Variants in STXBP6 observed in about 807,000 individuals in gnomAD.
The protein encoded by STXBP6 is syntaxin binding protein 6.
A neutral mutation model predicts 26.9 loss-of-function variants in STXBP6; 21 were observed. The ratio of observed to expected loss-of-function variants is 0.78; its 90% CI spans 0.55 to 1.12. The LOEUF (loss-of-function observed/expected upper bound fraction) is 1.12, where lower values mean the gene tolerates loss of function less well. Ranked by LOEUF, STXBP6 falls within the 50% of genes most tolerant of loss-of-function variation. The probability of loss-of-function intolerance (pLI) is 0.00; values close to 1 mark genes in which losing one functional copy is unlikely to be tolerated. For synonymous variants in STXBP6, 97 were observed against 92.6 expected (o/e 1.05, Z -0.27); for missense variants, 232 against 257.9 (o/e 0.90, Z 0.69).
intron 1 of STXBP6, among the ~76,000 whole-genome samples, chr14:24,991,772 T>C (rs758712145): frequency 2.0e-5 from 3 of 152,178 alleles, no homozygotes; most frequent in Non-Finnish European, 2.9e-5. Flanking sequence ...GATAAGTACA[T>C]CTCTCAGAAC....
intron 2 of STXBP6, among the ~76,000 whole-genome samples, chr14:24,863,606 G>A (rs1382779307): frequency 6.6e-6 from 1 of 152,154 alleles, no homozygotes; most frequent in African/African-American, 2.4e-5. Flanking sequence ...TAGAAGGAAA[G>A]GAATTTAGGG....
At chr14:24,983,846 C>T (rs1041241819) in intron 1 of STXBP6, among the ~76,000 whole-genome samples, 1 of 152,130 alleles carries the variant, frequency 6.6e-6, no homozygotes. Context: ...AGAAAGCCTC[C>T]ATTTTTTAAG....
In STXBP6 at chr14:24,924,014, A is replaced by ATTT. The variant is rs542131214; in HGVS notation, c.154+50648_154+50650dup. Among the ~76,000 whole-genome samples, 7 of 148,418 alleles carry ATTT rather than the reference A, an allele frequency of 4.7e-5. 2 individuals carry two copies. The highest frequency in any genetic ancestry group is 4.0e-4 in the Admixed American group (6 of 14,896). On this transcript the variant is annotated intron_variant, in intron 2 of 5. Transcript: ENST00000323944. ...TAAAAATAAGAACCAATTCCCACAT[A>ATTT]TTTTTTTTTTGCAAAAAGCTTTAAA... is the stretch of plus-strand genomic sequence containing the variant.
intron 1 of STXBP6, among the ~76,000 whole-genome samples, chr14:25,033,841 G>A (rs1014413139): frequency 3.3e-5 from 5 of 152,166 alleles, no homozygotes; most frequent in Admixed American, 2.6e-4. Flanking sequence ...ATGAAAATCG[G>A]TTACACACGT....
intron 2 of STXBP6, among the ~76,000 whole-genome samples, chr14:24,910,842 G>T (rs1194448410): frequency 6.6e-6 from 1 of 152,132 alleles, no homozygotes; most frequent in Non-Finnish European, 1.5e-5. Context: ...CACAACAGAG[G>T]AGCCTCTAAC....
At chr14:25,004,776 C>A (rs1222762530) in intron 1 of STXBP6, among the ~76,000 whole-genome samples, 1 of 152,160 alleles carries the variant, frequency 6.6e-6, no homozygotes, top group Non-Finnish European at 1.5e-5. Context: ...GGTCAGTTCA[C>A]ATTCCCTAGA....
intron 1 of STXBP6, among the ~76,000 whole-genome samples, chr14:25,034,309 C>T (rs1015293228): frequency 6.6e-6 from 1 of 152,168 alleles, no homozygotes; most frequent in Non-Finnish European, 1.5e-5. Context: ...GGTCATCATC[C>T]TTACATGAAG....
chr14:24,866,236 T>C (rs570684948), intron 2 of STXBP6, among the ~76,000 whole-genome samples: 32 of 152,268 alleles, frequency 2.1e-4, no homozygotes, highest in African/African-American at 7.7e-4. Flanking sequence ...GGACTTGTAC[T>C]GCAATACTGG....
At chr14:24,823,305 G>C (rs2068192853) in intron 4 of STXBP6, among the ~76,000 whole-genome samples, 1 of 152,000 alleles carries the variant, frequency 6.6e-6, no homozygotes, top group South Asian at 2.1e-4. Flanking sequence ...TTTAAATGTA[G>C]AGAAAAATGA....
Position 24,857,045 on chromosome 14 carries a change from A to G in STXBP6, c.267T>C (p.Asn89=), listed in dbSNP as rs1459374873. The G allele has an allele frequency of 1.2e-6, 2 of 1,612,912 alleles. No homozygotes were observed. The highest frequency in any genetic ancestry group is 2.2e-5 in the East Asian group (1 of 44,850). The change falls in exon 3 of 6, where the codon AAT becomes AAC. Residue 89 remains asparagine, a synonymous_variant. Transcript: ENST00000323944. ...CACTCACCCCATTAGGATCGATACC[A>G]TTAACCTGGCGAAGCTGCTCGAGCA... ...QWMLEQLRQV[N]GIDPNGDSAE... is the part of the protein sequence containing the mutation.
At chr14:24,902,489 G>A (rs1375845707) in intron 2 of STXBP6, among the ~76,000 whole-genome samples, 1 of 152,062 alleles carries the variant, frequency 6.6e-6, no homozygotes, top group South Asian at 2.1e-4. Context: ...TTATTATTTT[G>A]CCTACCATAG....
chr14:24,842,788 G>GA (rs1207012591), intron 4 of STXBP6, among the ~76,000 whole-genome samples: 3 of 150,094 alleles, frequency 2.0e-5, no homozygotes, highest in African/African-American at 4.9e-5. Context: ...TTTTTAACAG[G>GA]AAAAAAAAGG....
intron 2 of STXBP6, among the ~76,000 whole-genome samples, chr14:24,891,853 C>A (rs1241615): frequency 0.37 from 55,638 of 152,016 alleles, 10,414 homozygotes; most frequent in East Asian, 0.44. Flanking sequence ...CTTCTTCCAT[C>A]TGATTATCCT....
At chr14:24,893,168 A>G (rs1003794586) in intron 2 of STXBP6, among the ~76,000 whole-genome samples, 1 of 152,234 alleles carries the variant, frequency 6.6e-6, no homozygotes, top group African/African-American at 2.4e-5. Flanking sequence ...TGATCTAATG[A>G]TAGTAATATT....
intron 2 of STXBP6, among the ~76,000 whole-genome samples, chr14:24,971,103 C>G (rs2073893520): frequency 6.6e-6 from 1 of 152,114 alleles, no homozygotes; most frequent in Non-Finnish European, 1.5e-5. Context: ...CAAGAAAGAT[C>G]ATCTTATTTA....
At chr14:24,820,018 A>C (rs756293846) in intron 4 of STXBP6, among the ~76,000 whole-genome samples, 2 of 152,226 alleles carry the variant, frequency 1.3e-5, no homozygotes, top group Non-Finnish European at 2.9e-5. Flanking sequence ...CATTCCTGAC[A>C]TCCCATTTGC....
At chr14:25,040,570 A>G (rs946493733) in intron 1 of STXBP6, among the ~76,000 whole-genome samples, 3 of 152,202 alleles carry the variant, frequency 2.0e-5, no homozygotes, top group African/African-American at 7.2e-5. Flanking sequence ...AGCATATGAT[A>G]ATGTATAGGT....
At chr14:25,009,109 C>T (rs1455260765) in intron 1 of STXBP6, among the ~76,000 whole-genome samples, 4 of 152,178 alleles carry the variant, frequency 2.6e-5, no homozygotes. Context: ...TAGCTAAGAT[C>T]ACTTCTAGTT....
At position 25,050,143 on chromosome 14, in the gene STXBP6, A is replaced by G. The variant is rs2075784910; in HGVS notation, c.-298T>C. On this transcript the variant is annotated 5_prime_UTR_variant, in exon 1 of 6. Coordinates refer to ENST00000323944, the MANE Select transcript of STXBP6 (RefSeq NM_001394410.1). ...GCAGCCGCGCGCCCGCCCGCCGCCG[A>G]GTGCGAGCGCCTGCGAAGCAAACCT... 6.5e-6 allele frequency: 1 copy of G among 153,144 alleles called. No individual in the cohort carries two copies. The highest frequency in any genetic ancestry group is 2.1e-4 in the South Asian group (1 of 4,850). 9.5% of individuals were successfully genotyped at this position (153,144 alleles called of 1,614,324 possible).
Sources: allele counts gnomAD v4.1 joint callset (sites outside exome capture counted in the v4.1 genomes callset), GRCh38; gene constraint gnomAD v4.1.1; transcripts MANE v1.5; gene names NCBI Gene and HGNC (gene_info 2026-07-23, HGNC 2026-07-21).